Variants in SMOC2 observed in about 807,000 individuals in gnomAD.
SMOC2 encodes SPARC related modular calcium binding 2.
Under a neutral mutation model 61.4 loss-of-function variants are expected in SMOC2, and 39 were observed. The observed-to-expected ratio is 0.64, with a 90% CI of 0.49 to 0.83. The LOEUF (loss-of-function observed/expected upper bound fraction) is 0.83. SMOC2 is among the 40% of genes least tolerant of loss of function. The pLI is 0.00. For synonymous variants in SMOC2, 247 were observed against 239.9 expected (o/e 1.03, Z -0.27); for missense variants, 556 against 592.9 (o/e 0.94, Z 0.65).
At chr6:168,476,931 T>C (rs1332467372) in intron 1 of SMOC2, among the ~76,000 whole-genome samples, 1 of 152,220 alleles carries the variant, frequency 6.6e-6, no homozygotes, top group Non-Finnish European at 1.5e-5. Flanking sequence ...AAGTTGAGCA[T>C]CAGCAACTTT....
At chr6:168,646,772 G>A (rs1015134185) in intron 9 of SMOC2, among the ~76,000 whole-genome samples, 2 of 152,298 alleles carry the variant, frequency 1.3e-5, no homozygotes, top group East Asian at 3.9e-4. Context: ...TTTGTAAGGT[G>A]CAGCACCTTT....
chr6:168,531,038 C>T (rs968381310), intron 4 of SMOC2, among the ~76,000 whole-genome samples: 4 of 152,148 alleles, frequency 2.6e-5, no homozygotes, highest in Admixed American at 6.5e-5. Context: ...CCTGAGTCCA[C>T]GGAGCCCCAC....
chr6:168,607,034 C>A (rs904986336), intron 8 of SMOC2, among the ~76,000 whole-genome samples: 1 of 152,040 alleles, frequency 6.6e-6, no homozygotes, highest in African/African-American at 2.4e-5. Flanking sequence ...CCTGCGAGTC[C>A]ACAGAAAGGG....
At chr6:168,649,955 T>C (rs752228955) in intron 9 of SMOC2, among the ~76,000 whole-genome samples, 9 of 152,062 alleles carry the variant, frequency 5.9e-5, no homozygotes, top group Non-Finnish European at 1.2e-4. Flanking sequence ...TATCTTGAAT[T>C]TGGGGTGGGA....
intron 1 of SMOC2, among the ~76,000 whole-genome samples, chr6:168,474,028 G>A (rs1222225904): frequency 6.6e-6 from 1 of 152,058 alleles, no homozygotes; most frequent in Non-Finnish European, 1.5e-5. Context: ...CAACCCATTC[G>A]CCTCTCCACT....
chr6:168,548,864 C>A (rs1784067250), intron 6 of SMOC2, among the ~76,000 whole-genome samples: 1 of 152,166 alleles, frequency 6.6e-6, no homozygotes, highest in Admixed American at 6.5e-5. Flanking sequence ...AAATCTGATT[C>A]TTTCAAAGTG....
intron 4 of SMOC2, among the ~76,000 whole-genome samples, chr6:168,540,478 G>C (rs1193177700): frequency 1.3e-5 from 2 of 152,156 alleles, no homozygotes; most frequent in African/African-American, 4.8e-5. Context: ...AGCTGTACTT[G>C]GTGGGCTTTC....
chr6:168,503,229 C>T (rs781312396), intron 1 of SMOC2, among the ~76,000 whole-genome samples: 1 of 151,842 alleles, frequency 6.6e-6, no homozygotes, highest in Non-Finnish European at 1.5e-5. Context: ...AGGCACCCAC[C>T]ACCATGCCCA....
intron 9 of SMOC2, among the ~76,000 whole-genome samples, chr6:168,638,063 C>T (rs1786790490): frequency 6.6e-6 from 1 of 151,334 alleles, no homozygotes; most frequent in African/African-American, 2.4e-5. Context: ...TGCCCTGCCC[C>T]TGCCCCACCC....
chr6:168,533,114 C>A (rs551333649), intron 4 of SMOC2, among the ~76,000 whole-genome samples: 1 of 151,966 alleles, frequency 6.6e-6, no homozygotes, highest in African/African-American at 2.4e-5. Flanking sequence ...ATTTCCTCCC[C>A]GCTCTAAAAT....
At chr6:168,459,291 G>A (rs1290822736) in intron 1 of SMOC2, among the ~76,000 whole-genome samples, 2 of 148,544 alleles carry the variant, frequency 1.3e-5, no homozygotes, top group Non-Finnish European at 3.1e-5. Context: ...GGCTTCGTAG[G>A]TGTGTTTTGA....
At chr6:168,602,681 G>A (rs1303060502) in intron 8 of SMOC2, among the ~76,000 whole-genome samples, 1 of 152,194 alleles carries the variant, frequency 6.6e-6, no homozygotes, top group Non-Finnish European at 1.5e-5. Flanking sequence ...TTACAAAAGT[G>A]GAAGGGGAGG....
At chr6:168,498,657 A>G (rs1782649521) in intron 1 of SMOC2, among the ~76,000 whole-genome samples, 1 of 152,214 alleles carries the variant, frequency 6.6e-6, no homozygotes, top group Non-Finnish European at 1.5e-5. Flanking sequence ...GAGGACGGCC[A>G]GGGCCCATAG....
At chr6:168,539,974 C>T (rs1783841881) in intron 4 of SMOC2, among the ~76,000 whole-genome samples, 1 of 152,190 alleles carries the variant, frequency 6.6e-6, no homozygotes, top group Non-Finnish European at 1.5e-5. Flanking sequence ...TGATGGCAGT[C>T]CCACCTCGCA....
intron 9 of SMOC2, among the ~76,000 whole-genome samples, chr6:168,644,066 T>C (rs1786961636): frequency 6.6e-6 from 1 of 152,218 alleles, no homozygotes; most frequent in Admixed American, 6.5e-5. Context: ...GCATTTACTA[T>C]GTAGAAGGAG....
Position 168,598,810 on chromosome 6 carries a change from C to A in SMOC2, c.638-8C>A, listed in dbSNP as rs769793824. ...CCTGCTCACCTTTTGCCTTCTTCTT[C>A]CCCGCAGTGTCATCCTGTGACCAAG... On this transcript the variant is annotated splice_polypyrimidine_tract_variant and splice_region_variant and intron_variant, in intron 7 of 12. Transcript: ENST00000356284. 8 of 1,613,470 alleles carry A rather than the reference C, an allele frequency of 5.0e-6. No homozygotes were observed. Among genetic ancestry groups the A allele is most frequent in the Non-Finnish European group, 6.8e-6 (8 of 1,179,606 alleles).
chr6:168,622,482 C>T (rs1179247682), intron 9 of SMOC2, among the ~76,000 whole-genome samples: 1 of 151,712 alleles, frequency 6.6e-6, no homozygotes, highest in Non-Finnish European at 1.5e-5. Context: ...TTTGTTCTCG[C>T]CATGGCATGT....
chr6:168,476,470 G>A (rs1782087950), intron 1 of SMOC2, among the ~76,000 whole-genome samples: 1 of 136,116 alleles, frequency 7.3e-6, no homozygotes, highest in Admixed American at 7.2e-5. Context: ...TTTATCCTGT[G>A]TGTGTGTGTG....
At chr6:168,545,258 TAAAAA>T (rs11385979) in intron 5 of SMOC2, among the ~76,000 whole-genome samples, 27 of 145,402 alleles carry the variant, frequency 1.9e-4, no homozygotes, top group African/African-American at 5.2e-4. Context: ...GTACCCACTG[TAAAAA>T]AAAAAAATCT....
Sources: gnomAD v4.1 joint callset for allele counts (sites outside exome capture counted in the v4.1 genomes callset) on GRCh38, gnomAD v4.1.1 for gene constraint, MANE v1.5 for transcripts, NCBI Gene and HGNC (gene_info 2026-07-23, HGNC 2026-07-21) for gene names.